Variants in MOB3A observed in about 807,000 individuals in gnomAD.
MOB3A encodes MOB LAK.
In MOB3A, 17 loss-of-function variants were observed where a neutral mutation model predicts 17.8. The ratio of observed to expected loss-of-function variants is 0.95; its 90% confidence interval spans 0.65 to 1.43. The LOEUF is 1.43. MOB3A is among the 40% of genes most tolerant of loss of function. The pLI is 0.00. For synonymous variants in MOB3A, 124 were observed against 133.2 expected, an observed-to-expected ratio of 0.93 and a Z score of 0.48; for missense variants, 333 against 310.8, an observed-to-expected ratio of 1.07 and a Z score of -0.54.
chr19:2,084,916 G>A (rs1429784175), intron 2 of MOB3A, among the ~76,000 whole-genome samples: 1 of 151,590 alleles, frequency 6.6e-6, no homozygotes, highest in African/African-American at 2.4e-5. Context: ...AGAGACAGGG[G>A]TTTCACCATG....
In MOB3A at chr19:2,072,793, G is replaced by T. The variant is rs2017354977; in HGVS notation, c.*602C>A. On this transcript the variant is annotated 3_prime_UTR_variant, in exon 5 of 5. Transcript: ENST00000357066. ...AAAATGGAAGAGATTGGGGAGGGAG[G>T]AAAGAGGCTGCCTGGGTCCAGGTTG... The T allele has an allele frequency of 6.6e-6, 1 of 152,196 alleles. No individual in the cohort carries two copies. Among genetic ancestry groups the T allele is most frequent in the Non-Finnish European group, 1.5e-5 (1 of 68,090 alleles). The allele number at this position is 152,196 out of a possible 1,614,324, so 9.4% of individuals were successfully genotyped here.
chr19:2,080,691 G>A (rs1434522738), intron 2 of MOB3A, among the ~76,000 whole-genome samples: 1 of 152,072 alleles, frequency 6.6e-6, no homozygotes, highest in Non-Finnish European at 1.5e-5. Context: ...GCTGTTGCTT[G>A]TGACGAAGTC....
intron 1 of MOB3A, among the ~76,000 whole-genome samples, chr19:2,092,258 G>A (rs532363945): frequency 1.2e-4 from 18 of 151,626 alleles, no homozygotes; most frequent in African/African-American, 3.6e-4. Context: ...ACGCCACCAC[G>A]CCCAGCTAAC....
chr19:2,092,267 A>G (rs2017623031), intron 1 of MOB3A, among the ~76,000 whole-genome samples: 3 of 151,556 alleles, frequency 2.0e-5, no homozygotes, highest in African/African-American at 4.8e-5. Context: ...CGCCCAGCTA[A>G]CTTTTGTATT....
intron 3 of MOB3A, among the ~76,000 whole-genome samples, chr19:2,077,437 C>T (rs151073912): frequency 1.3e-4 from 20 of 152,002 alleles, no homozygotes; most frequent in Admixed American, 1.0e-3. Context: ...AAGAAAGGTA[C>T]GCTGTACTCT....
chr19:2,078,359 A>T lies in MOB3A; in HGVS notation c.202T>A (p.Phe68Ile). ...NDWVAVHVVD[F>I]FNRVNLIYGT... ...TAGATGAGGTTGACGCGGTTAAAGA[A>T]GTCCACCACGTGAACAGCCACCCAG... Residue 68 changes from phenylalanine (F) to isoleucine (I), a missense_variant, in exon 3 of 5, where the codon TTC becomes ATC. Coordinates refer to ENST00000357066, the MANE Select transcript of MOB3A (RefSeq NM_130807.3). The T allele has an allele frequency of 6.2e-7, 1 of 1,614,190 alleles. No individual in the cohort carries two copies. Among genetic ancestry groups the T allele is most frequent in the East Asian group, 2.2e-5 (1 of 44,872 alleles).
In MOB3A at chr19:2,078,570, G is replaced by A. The variant is rs373037495; in HGVS notation, c.-10C>T. ...GGAAGGGGTTGGACATCTTGGTGACGCCTGCTCTCCTGGACTTCTGTAGAG... is the reference window on the plus strand; with the variant it reads ...GGAAGGGGTTGGACATCTTGGTGACACCTGCTCTCCTGGACTTCTGTAGAG... On this transcript the variant is annotated 5_prime_UTR_variant, in exon 3 of 5. Coordinates refer to ENST00000357066, the MANE Select transcript of MOB3A (RefSeq NM_130807.3). 9 of 1,555,768 alleles carry A rather than the reference G, an allele frequency of 5.8e-6. No individual in the cohort carries two copies. The highest frequency in any genetic ancestry group is 1.7e-4 in the Middle Eastern group (1 of 5,796).
chr19:2,075,507 TCCCAGCTACTCG>T (rs2017393533), intron 4 of MOB3A, among the ~76,000 whole-genome samples: 1 of 152,008 alleles, frequency 6.6e-6, no homozygotes, highest in South Asian at 2.1e-4. Context: ...CTGGCTGTGG[TCCCAGCTACTCG>T]GAGGCTGGTG....
chr19:2,074,793 C>T (rs988637478), intron 4 of MOB3A, among the ~76,000 whole-genome samples: 2 of 152,042 alleles, frequency 1.3e-5, no homozygotes, highest in Non-Finnish European at 2.9e-5. Context: ...TCTCAGCTCA[C>T]TGCAACCTCT....
chr19:2,083,866 C>T (rs989990446), intron 2 of MOB3A, among the ~76,000 whole-genome samples: 7 of 152,208 alleles, frequency 4.6e-5, no homozygotes, highest in African/African-American at 7.2e-5. Flanking sequence ...TGACTGCAGC[C>T]ATGGGAGGAG....
chr19:2,073,138 T>C lies in MOB3A; in HGVS notation c.*257A>G. 1 of 554,856 alleles carries C rather than the reference T, an allele frequency of 1.8e-6. No homozygotes were observed. Among genetic ancestry groups the C allele is most frequent in the Non-Finnish European group, 3.2e-6 (1 of 312,458 alleles). 34.4% of individuals were successfully genotyped at this position (554,856 alleles called of 1,614,324 possible). A position where few individuals can be genotyped will look rare whatever the true frequency, so the allele number is the denominator to read the frequency against. On this transcript the variant is annotated 3_prime_UTR_variant, in exon 5 of 5. Transcript: ENST00000357066. ...AAGTGGTTTAAAAACACAGTGGGCTTTTCCGGTTGCTAGTAACACATAGAA... is the reference window on the plus strand; with the variant it reads ...AAGTGGTTTAAAAACACAGTGGGCTCTTCCGGTTGCTAGTAACACATAGAA...
At chr19:2,075,011 C>T (rs541177433) in intron 4 of MOB3A, among the ~76,000 whole-genome samples, 47 of 151,396 alleles carry the variant, frequency 3.1e-4, no homozygotes, top group Admixed American at 1.1e-3. Context: ...GCCACCACGC[C>T]GGGCCTTAAT....
Position 2,071,421 on chromosome 19 carries a change from C to G in MOB3A, c.*1974G>C, listed in dbSNP as rs887114969. The G allele has an allele frequency of 1.3e-5, 2 of 152,236 alleles. No homozygotes were observed. The highest frequency in any genetic ancestry group is 4.8e-5 in the African/African-American group (2 of 41,430). The allele number at this position is 152,236 out of a possible 1,614,324, so 9.4% of individuals were successfully genotyped here. On this transcript the variant is annotated 3_prime_UTR_variant, in exon 5 of 5. Transcript: ENST00000357066. ...TAACAGTGTGTTAATTGCACTTGTT[C>G]GATTTTCTGGCAGAAGCCAGGAGAG... is the stretch of plus-strand genomic sequence containing the variant.
chr19:2,090,262 G>A (rs1345613574), intron 1 of MOB3A: 2 of 152,282 alleles, frequency 1.3e-5, no homozygotes, highest in Non-Finnish European at 2.9e-5. Context: ...GTCCCCGGTG[G>A]GAATTGTCTG....
intron 1 of MOB3A, among the ~76,000 whole-genome samples, chr19:2,092,817 G>A (rs569444207): frequency 4.8e-4 from 71 of 148,396 alleles, no homozygotes; most frequent in African/African-American, 1.5e-3. Context: ...AGAAGGTATT[G>A]TGTCAAAGTC....
chr19:2,079,147 C>T (rs529128364), intron 2 of MOB3A, among the ~76,000 whole-genome samples: 59 of 152,354 alleles, frequency 3.9e-4, no homozygotes, highest in African/African-American at 1.3e-3. Flanking sequence ...CTGCGCGTGG[C>T]GAGGCCTGAC....
intron 1 of MOB3A, among the ~76,000 whole-genome samples, chr19:2,091,170 C>A (rs546008669): frequency 6.6e-6 from 1 of 152,286 alleles, no homozygotes; most frequent in African/African-American, 2.4e-5. Context: ...CACGCGCTTC[C>A]TGCAGAGTCA....
intron 1 of MOB3A, among the ~76,000 whole-genome samples, chr19:2,092,089 T>G (rs1254382449): frequency 4.0e-5 from 6 of 150,022 alleles, no homozygotes; most frequent in East Asian, 1.9e-4. Context: ...AAGGTTTTTT[T>G]TTTTTTTTTT....
At chr19:2,088,384 G>A (rs1021084303) in intron 1 of MOB3A, among the ~76,000 whole-genome samples, 13 of 152,122 alleles carry the variant, frequency 8.5e-5, no homozygotes, top group Non-Finnish European at 1.8e-4. Context: ...GCCCACTCCA[G>A]CCTCAACCTC....
Sources: allele counts gnomAD v4.1 joint callset (sites outside exome capture counted in the v4.1 genomes callset), GRCh38; gene constraint gnomAD v4.1.1; transcripts MANE v1.5; gene names NCBI Gene and HGNC (gene_info 2026-07-23, HGNC 2026-07-21).